Variants in MSI2 observed in about 807,000 individuals in gnomAD.
MSI2 encodes the protein RNA-binding protein Musashi homolog 2.
A neutral mutation model predicts 45.6 loss-of-function variants in MSI2; 17 were observed. The ratio of observed to expected loss-of-function variants is 0.37; its 90% confidence interval spans 0.26 to 0.56. The LOEUF (loss-of-function observed/expected upper bound fraction) is 0.56. Ranked by LOEUF, MSI2 falls within the 20% of genes least tolerant of loss-of-function variation. The pLI is 0.77. For synonymous variants in MSI2, 156 were observed against 158.2 expected, an observed-to-expected ratio of 0.99 and a Z score of 0.11; for missense variants, 293 against 444.2, an observed-to-expected ratio of 0.66 and a Z score of 3.06.
chr17:57,306,013 G>T (rs1370467307), intron 5 of MSI2, among the ~76,000 whole-genome samples: 2 of 152,078 alleles, frequency 1.3e-5, no homozygotes, highest in Non-Finnish European at 2.9e-5. Flanking sequence ...TCTGTTATGT[G>T]CCCCTAGGAC....
intron 10 of MSI2, among the ~76,000 whole-genome samples, chr17:57,649,706 G>A (rs1015715077): frequency 5.3e-5 from 8 of 152,220 alleles, no homozygotes; most frequent in South Asian, 4.1e-4. Flanking sequence ...TGTATTTGGC[G>A]GGTGAGGGGT....
chr17:57,520,705 G>A (rs1242038001), intron 6 of MSI2, among the ~76,000 whole-genome samples: 1 of 152,150 alleles, frequency 6.6e-6, no homozygotes, highest in Non-Finnish European at 1.5e-5. Context: ...CCAGGCTGGA[G>A]TGCAGTACCA....
chr17:57,636,703 T>C (rs1909866840), intron 10 of MSI2, among the ~76,000 whole-genome samples: 1 of 152,232 alleles, frequency 6.6e-6, no homozygotes, highest in Non-Finnish European at 1.5e-5. Context: ...TTCCTCCTGC[T>C]TCAGTTTTTA....
At chr17:57,690,624 A>AT in the MSI2 span, among the ~76,000 whole-genome samples, 1 of 151,972 alleles carries the variant, frequency 6.6e-6, no homozygotes, top group South Asian at 2.1e-4. Context: ...GTCTGTCTCT[A>AT]TTTTTTTGGT....
At chr17:57,443,468 A>T in intron 6 of MSI2, among the ~76,000 whole-genome samples, 1 of 152,120 alleles carries the variant, frequency 6.6e-6, no homozygotes, top group East Asian at 1.9e-4. Context: ...AAAGGCCTGG[A>T]AAAGGGGCTG....
At chr17:57,667,589 G>A (rs749004460) in intron 11 of MSI2, among the ~76,000 whole-genome samples, 5 of 152,130 alleles carry the variant, frequency 3.3e-5, no homozygotes, top group African/African-American at 7.2e-5. Flanking sequence ...GGGGCCCTCC[G>A]CACTTGCCTC....
chr17:57,276,250 G>A lies in MSI2; in HGVS notation c.312+14058G>A, dbSNP rs574146060. On this transcript the variant is annotated intron_variant, in intron 5 of 13. Transcript: ENST00000284073. ...ATCCAAGTCCATCGAGTTATGGGCCGTGTGGAGTTGTGATTGCTTTCCTTG... is the reference window on the plus strand; with the variant it reads ...ATCCAAGTCCATCGAGTTATGGGCCATGTGGAGTTGTGATTGCTTTCCTTG... Among the ~76,000 whole-genome samples the A allele has an allele frequency of 2.6e-5, 4 of 152,336 alleles. No individual in the cohort carries two copies. In the South Asian group the frequency reaches 6.2e-4, roughly 24 times the overall value.
At chr17:57,386,876 T>A (rs919559539) in intron 5 of MSI2, among the ~76,000 whole-genome samples, 3 of 152,230 alleles carry the variant, frequency 2.0e-5, no homozygotes, top group Non-Finnish European at 4.4e-5. Context: ...GGTTTAACTG[T>A]ACAGATTTTT....
chr17:57,576,418 T>A (rs552056426), intron 7 of MSI2, among the ~76,000 whole-genome samples: 37 of 152,344 alleles, frequency 2.4e-4, no homozygotes, highest in African/African-American at 6.7e-4. Flanking sequence ...TTTCTGTATT[T>A]CCTAAGACTC....
chr17:57,667,750 C>G (rs1912475092), intron 11 of MSI2, among the ~76,000 whole-genome samples: 1 of 152,220 alleles, frequency 6.6e-6, no homozygotes, highest in African/African-American at 2.4e-5. Flanking sequence ...CAAGGCTGCT[C>G]CATCCCCAGA....
intron 6 of MSI2, among the ~76,000 whole-genome samples, chr17:57,460,576 C>G (rs917631058): frequency 2.6e-5 from 4 of 152,034 alleles, no homozygotes; most frequent in African/African-American, 9.7e-5. Flanking sequence ...ATGGGTTCAC[C>G]TGGGGAGAGT....
At chr17:57,672,641 C>T (rs917560266) in intron 11 of MSI2, among the ~76,000 whole-genome samples, 9 of 152,206 alleles carry the variant, frequency 5.9e-5, no homozygotes, top group East Asian at 3.9e-4. Flanking sequence ...AAAAACTTTC[C>T]GTCTACCACT....
At chr17:57,422,049 G>A (rs766956214) in intron 6 of MSI2, among the ~76,000 whole-genome samples, 6 of 152,166 alleles carry the variant, frequency 3.9e-5, no homozygotes, top group Non-Finnish European at 5.9e-5. Flanking sequence ...AAAATTGAAA[G>A]GAACTATCAA....
At chr17:57,530,129 G>C (rs1044069466) in intron 7 of MSI2, among the ~76,000 whole-genome samples, 1 of 152,192 alleles carries the variant, frequency 6.6e-6, no homozygotes, top group Non-Finnish European at 1.5e-5. Context: ...AATCTAAAGA[G>C]CCAAAAAATC....
Position 57,277,017 on chromosome 17 carries a change from C to A in MSI2, c.312+14825C>A, listed in dbSNP as rs185680915. ...GGGTTGTATCATGTTAGGGACCTTT[C>A]TTCTACGGACTGGGGGTTTGGGTTG... On this transcript the variant is annotated intron_variant, in intron 5 of 13. Transcript: ENST00000284073. Among the ~76,000 whole-genome samples the A allele has an allele frequency of 3.2e-3, 471 of 146,062 alleles. 2 individuals are homozygous for A. The highest frequency in any genetic ancestry group is 4.5e-3 in the Non-Finnish European group (295 of 66,230).
chr17:57,492,452 G>A (rs1200518425), intron 6 of MSI2, among the ~76,000 whole-genome samples: 2 of 152,154 alleles, frequency 1.3e-5, no homozygotes, highest in African/African-American at 4.8e-5. Flanking sequence ...TAAGTCTTTG[G>A]CAGCTGATGC....
intron 5 of MSI2, among the ~76,000 whole-genome samples, chr17:57,380,341 G>A (rs1358373823): frequency 1.3e-5 from 2 of 152,186 alleles, no homozygotes; most frequent in South Asian, 2.1e-4. Flanking sequence ...GGGCGGCCTG[G>A]GCAGGACCGT....
At position 57,256,571 on chromosome 17, in the gene MSI2, T is replaced by TCGCCGCTGCCCCGGCTC. The variant is rs903905965; in HGVS notation, c.-164_-148dup. ...AAGCCGAGCCCACGTGTGACGGCTC[T>TCGCCGCTGCCCCGGCTC]CGCCGCTGCCCCGGCTCCGCCGCTC... On this transcript the variant is annotated 5_prime_UTR_variant, in exon 1 of 14. Coordinates refer to ENST00000284073, the MANE Select transcript of MSI2 (RefSeq NM_138962.4). 2.1e-5 allele frequency: 7 copies of TCGCCGCTGCCCCGGCTC among 335,566 alleles called. No individual in the cohort carries two copies. Among genetic ancestry groups the TCGCCGCTGCCCCGGCTC allele is most frequent in the Non-Finnish European group, 3.6e-5 (7 of 196,322 alleles). 20.8% of individuals were successfully genotyped at this position (335,566 alleles called of 1,614,324 possible).
chr17:57,701,065 C>A, the MSI2 span, among the ~76,000 whole-genome samples: 2 of 152,146 alleles, frequency 1.3e-5, no homozygotes, highest in African/African-American at 4.8e-5. Flanking sequence ...AGAGTTTAAT[C>A]CCCTTGAATA....
Sources: allele counts gnomAD v4.1 joint callset (sites outside exome capture counted in the v4.1 genomes callset), GRCh38; gene constraint gnomAD v4.1.1; transcripts MANE v1.5; gene names NCBI Gene and HGNC (gene_info 2026-07-23, HGNC 2026-07-21).